Variants in PEX16 observed in about 807,000 individuals in gnomAD.
PEX16 encodes the protein peroxin 16.
In PEX16, 37 loss-of-function variants were observed where a neutral mutation model predicts 50.5. The ratio of observed to expected loss-of-function variants is 0.73; its 90% CI spans 0.56 to 0.96. PEX16 has a LOEUF of 0.96. Among genes scored for constraint, PEX16 ranks in the 40% least tolerant of loss-of-function variants. PEX16 has a pLI of 0.00. For synonymous variants in PEX16, 185 were observed against 190.3 expected (o/e 0.97, Z 0.23); for missense variants, 401 against 438.3 (o/e 0.91, Z 0.76).
intron 8 of PEX16, 44 bp downstream of exon 8, chr11:45,914,087 G>A (rs1200065126): frequency 6.3e-7 from 1 of 1,578,148 alleles, no homozygotes; most frequent in Non-Finnish European, 8.6e-7. Flanking sequence ...GATTATAGCA[G>A]AAAGCCCAGT....
chr11:45,914,117 A>G lies in PEX16; in HGVS notation c.767+14T>C. ...CCCAGTGGAGAGTGAAGCCCCAGGC[A>G]GGCCCAGGCTCACCTGGTCACGTCC... On this transcript the variant is annotated intron_variant, in intron 8 of 10. Transcript: ENST00000378750. 6.3e-7 allele frequency: 1 copy of G among 1,591,274 alleles called. No individual in the cohort carries two copies.
chr11:45,913,935 C>T lies in PEX16; in HGVS notation c.771G>A (p.Leu257=), dbSNP rs370948159. 7 of 1,612,470 alleles carry T rather than the reference C, an allele frequency of 4.3e-6. No individual in the cohort carries two copies. Among genetic ancestry groups the T allele is most frequent in the Non-Finnish European group, 5.9e-6 (7 of 1,179,988 alleles). The change falls in exon 9 of 11, where the codon CTG becomes CTA. Residue 257 remains leucine, a synonymous_variant. Transcript: ENST00000378750. ...LLAGVVDVTS[L]SLLSDRKGLT... is the part of the protein sequence containing the mutation. Reference sequence around the variant, plus strand: ...GGCCCTTTCTGTCACTCAGGAGGCTCAGGCTGGGAGGCAGGGAGGACATGG... The same window carrying T: ...GGCCCTTTCTGTCACTCAGGAGGCTTAGGCTGGGAGGCAGGGAGGACATGG...
At position 45,913,000 on chromosome 11, in the gene PEX16, T is replaced by TA. The variant is rs910324328; in HGVS notation, c.887+818_887+819insT. On this transcript the variant is annotated intron_variant, in intron 9 of 10. Transcript: ENST00000378750. The stretch of plus-strand genomic sequence containing the variant: ...ACCATGTCTGGCTAATTATTATTAT[T>TA]TTTTTTTTTTTTTTGTAGAATTGGG... Among the ~76,000 whole-genome samples, 13 of 10,818 alleles carry TA rather than the reference T, an allele frequency of 1.2e-3. No homozygotes were observed. The Non-Finnish European group carries it at 0.014, about 12-fold the overall frequency. 7.1% of individuals were successfully genotyped at this position (10,818 alleles called of 152,430 possible).
In PEX16 at chr11:45,914,487, A is replaced by C; in HGVS notation, c.542-19T>G. On this transcript the variant is annotated intron_variant, in intron 6 of 10. Coordinates refer to ENST00000378750, the MANE Select transcript of PEX16 (RefSeq NM_004813.4). ...GACGGCGCTAGAACACAAGGGCGGCAGATGAGCGAGCCAGGCCCAGGCTGG... is the reference window on the plus strand; with the variant it reads ...GACGGCGCTAGAACACAAGGGCGGCCGATGAGCGAGCCAGGCCCAGGCTGG... 6.2e-7 allele frequency: 1 copy of C among 1,608,206 alleles called. No homozygotes were observed. Among genetic ancestry groups the C allele is most frequent in the South Asian group, 1.1e-5 (1 of 91,030 alleles).
In PEX16 at chr11:45,917,727, C is replaced by G; in HGVS notation, c.85G>C (p.Val29Leu). ...GCCAGCAGGTAACTGAAGCCCCGCA[C>G]TGCTGTCTCCAGCTGGGCCGTGGCG... ...PAATAQLETA[V>L]RGFSYLLAGR... Residue 29 changes from valine to leucine, a missense_variant, in exon 1 of 11, where the codon GTG becomes CTG. By Grantham distance (32) the Val-to-Leu change is conservative. Coordinates refer to ENST00000378750, the MANE Select transcript of PEX16 (RefSeq NM_004813.4). 7 of 1,561,020 alleles carry G rather than the reference C, an allele frequency of 4.5e-6. No individual in the cohort carries two copies. The highest frequency in any genetic ancestry group is 6.1e-6 in the Non-Finnish European group (7 of 1,152,556).
intron 2 of PEX16, chr11:45,917,230 C>T (rs569523353): frequency 5.8e-6 from 4 of 693,862 alleles, no homozygotes; most frequent in East Asian, 2.7e-5. Flanking sequence ...CTTAGTCCAG[C>T]GCCTGGCCAG....
At chr11:45,914,021 G>A (rs2086805308) in intron 8 of PEX16, 83 bp from the exon 9 acceptor site, 5 of 1,594,712 alleles carry the variant, frequency 3.1e-6, no homozygotes, top group Non-Finnish European at 3.4e-6. Flanking sequence ...TGGGTGTCCA[G>A]AGGGGCAGCA....
In PEX16 at chr11:45,917,861, G is replaced by C. The variant is rs1565083113; in HGVS notation, c.-50C>G. The C allele has an allele frequency of 4.5e-6, 6 of 1,334,122 alleles. No homozygotes were observed. The highest frequency in any genetic ancestry group is 6.2e-6 in the Non-Finnish European group (6 of 963,442). The allele number at this position is 1,334,122 out of a possible 1,614,324, so 82.6% of individuals were successfully genotyped here. ...ACAGAAGGACCGTACGACAGGCTGC[G>C]GCGCCCTGCTTCCTGCGCCCTCCTT... is the stretch of plus-strand genomic sequence containing the variant. On this transcript the variant is annotated 5_prime_UTR_variant, in exon 1 of 11. Coordinates refer to ENST00000378750, the MANE Select transcript of PEX16 (RefSeq NM_004813.4).
intron 2 of PEX16, 107 bp downstream of exon 2, chr11:45,917,347 GTGTC>G: frequency 3.3e-6 from 3 of 903,316 alleles, no homozygotes; most frequent in Non-Finnish European, 5.5e-6. Context: ...ATAGCACAAG[GTGTC>G]TAACGGGCAG....
At chr11:45,917,995 T>G, upstream of PEX16, 1 of 661,428 alleles carries the variant, frequency 1.5e-6, no homozygotes, top group Non-Finnish European at 2.8e-6. Context: ...CTTGAACCGC[T>G]TCCCACTCGG....
chr11:45,915,880 A>C (rs760426051), intron 3 of PEX16, 44 bp from the exon 4 acceptor site: 22 of 1,576,092 alleles, frequency 1.4e-5, no homozygotes, highest in Admixed American at 8.4e-5. Context: ...CTGGGACTAC[A>C]GGGAGTCCCA....
chr11:45,912,299 CCATCCTG>C (rs1248443753), intron 9 of PEX16, among the ~76,000 whole-genome samples: 14 of 152,086 alleles, frequency 9.2e-5, no homozygotes, highest in Non-Finnish European at 1.8e-4. Context: ...GAGATCGAGA[CCATCCTG>C]GTTAACACGG....
At position 45,917,784 on chromosome 11, in the gene PEX16, G is replaced by T. The variant is rs2086854956; in HGVS notation, c.28C>A (p.Arg10Ser). ...TGACGAGTCACGTACTCCTGGTAGC[G>T]GAGGCCCAGGAGCCGCAGCTTCTCC... MEKLRLLGL[R>S]YQEYVTRHPA... is the part of the protein sequence containing the mutation. The change falls in exon 1 of 11, where the codon CGC (arginine) becomes AGC (serine). Residue 10 changes from arginine to serine, a missense_variant. By Grantham distance (110) the Arg-to-Ser change is moderately radical. Coordinates refer to ENST00000378750, the MANE Select transcript of PEX16 (RefSeq NM_004813.4). 5.8e-6 allele frequency: 9 copies of T among 1,546,244 alleles called. No homozygotes were observed. Among genetic ancestry groups the T allele is most frequent in the Non-Finnish European group, 7.8e-6 (9 of 1,147,666 alleles).
Position 45,914,654 on chromosome 11 carries a change from T to C in PEX16, c.491A>G (p.Gln164Arg), listed in dbSNP as rs199956751. 1 of 1,614,200 alleles carries C rather than the reference T, an allele frequency of 6.2e-7. No individual in the cohort carries two copies. The highest frequency in any genetic ancestry group is 1.7e-5 in the Admixed American group (1 of 60,032). ...DGDHSPGNHE[Q>R]SYVGKRSNRV... ...GTTTGACCGCTTCCCCACGTAGGAC[T>C]GCTCATGGTTGCCAGGGCTGTGGTC... Residue 164 changes from glutamine to arginine, a missense_variant, in exon 6 of 11, where the codon CAG (glutamine) becomes CGG (arginine). Gln to Arg is a conservative substitution (Grantham distance 43). Transcript: ENST00000378750.
At position 45,917,774 on chromosome 11, in the gene PEX16, T is replaced by A. The variant is rs1247033648; in HGVS notation, c.38A>T (p.Glu13Val). Residue 13 changes from glutamate to valine, a missense_variant, in exon 1 of 11, where the codon GAG becomes GTG. Transcript: ENST00000378750. ...GGCGGCCGGGTGACGAGTCACGTACTCCTGGTAGCGGAGGCCCAGGAGCCG... is the reference window on the plus strand; with the variant it reads ...GGCGGCCGGGTGACGAGTCACGTACACCTGGTAGCGGAGGCCCAGGAGCCG... Reference protein sequence around the residue: ...KLRLLGLRYQEYVTRHPAATA... With the variant: ...KLRLLGLRYQVYVTRHPAATA... 1 of 1,550,556 alleles carries A rather than the reference T, an allele frequency of 6.4e-7. No individual in the cohort carries two copies. Among genetic ancestry groups the A allele is most frequent in the Non-Finnish European group, 8.7e-7 (1 of 1,148,972 alleles).
Position 45,913,925 on chromosome 11 carries a change from T to C in PEX16, c.781A>G (p.Ser261Gly). 2 of 1,612,514 alleles carry C rather than the reference T, an allele frequency of 1.2e-6. No homozygotes were observed. The highest frequency in any genetic ancestry group is 1.7e-6 in the Non-Finnish European group (2 of 1,179,892). The change falls in exon 9 of 11, where the codon AGT (serine) becomes GGT (glycine). Residue 261 changes from serine (S) to glycine (G), a missense_variant. Transcript: ENST00000378750. ...CTCCGGGTCAGGCCCTTTCTGTCAC[T>C]CAGGAGGCTCAGGCTGGGAGGCAGG... ...VVDVTSLSLL[S>G]DRKGLTRRER...
chr11:45,913,013 T>C (rs1040050066), intron 9 of PEX16, among the ~76,000 whole-genome samples: 1 of 151,718 alleles, frequency 6.6e-6, no homozygotes, highest in Non-Finnish European at 1.5e-5. Flanking sequence ...TTTTTTTTTT[T>C]TGTAGAATTG....
Position 45,917,511 on chromosome 11 carries a change from A to T in PEX16, c.113-18T>A. ...GAATCGACCTGGGGAGAGGGTACAG[A>T]AGGAGGTGTGAGTGAGCATCTGCCT... On this transcript the variant is annotated intron_variant, in intron 1 of 10. Coordinates refer to ENST00000378750, the MANE Select transcript of PEX16 (RefSeq NM_004813.4). The T allele has an allele frequency of 6.2e-7, 1 of 1,613,868 alleles. No individual in the cohort carries two copies. Among genetic ancestry groups the T allele is most frequent in the Non-Finnish European group, 8.5e-7 (1 of 1,179,894 alleles).
chr11:45,918,348 A>G (rs2086862810), upstream of PEX16: 1 of 195,578 alleles, frequency 5.1e-6, no homozygotes, highest in Non-Finnish European at 1.1e-5. Context: ...ATACAGTTGC[A>G]CTGTGTCTCA....
Sources: gnomAD v4.1 joint callset for allele counts (sites outside exome capture counted in the v4.1 genomes callset) on GRCh38, gnomAD v4.1.1 for gene constraint, MANE v1.5 for transcripts, NCBI Gene and HGNC (gene_info 2026-07-23, HGNC 2026-07-21) for gene names.